TAF13: variants seen among roughly 807,000 people sequenced by gnomAD.
TAF13 encodes TATA-box binding protein associated factor 13, also known as transcription initiation factor TFIID subunit 13.
In TAF13, 9 loss-of-function variants were observed where a neutral mutation model predicts 18.7. The observed-to-expected ratio is 0.48, with a 90% CI of 0.29 to 0.84. TAF13 has a LOEUF of 0.84. Among genes scored for constraint, TAF13 ranks in the 40% least tolerant of loss-of-function variants. TAF13 has a pLI of 0.08. For synonymous variants in TAF13, 49 were observed against 44.1 expected (o/e 1.11, Z -0.44); for missense variants, 105 against 146.5 (o/e 0.72, Z 1.46).
intron 2 of TAF13, among the ~76,000 whole-genome samples, 180 bp downstream of exon 2, chr1:109,074,803 TACAC>T (rs985540348): frequency 3.3e-5 from 5 of 150,978 alleles, no homozygotes; most frequent in Non-Finnish European, 7.4e-5. Flanking sequence ...AAGCAATTTA[TACAC>T]ACACACACAA....
intron 1 of TAF13, 127 bp downstream of exon 1, chr1:109,075,794 C>T (rs1013243742): frequency 8.4e-7 from 1 of 1,195,982 alleles, no homozygotes; most frequent in Non-Finnish European, 1.2e-6. Flanking sequence ...ATCCTTAGGG[C>T]GTGAAGTCCC....
At chr1:109,067,100 T>C (rs2102106194) in intron 2 of TAF13, among the ~76,000 whole-genome samples, 1 of 152,306 alleles carries the variant, frequency 6.6e-6, no homozygotes, top group East Asian at 1.9e-4. Context: ...TGACATTTCC[T>C]AGATCAATAC....
At chr1:109,064,810 G>A in intron 3 of TAF13, 117 bp from the exon 4 acceptor site, 1 of 819,300 alleles carries the variant, frequency 1.2e-6, no homozygotes, top group Non-Finnish European at 1.7e-6. Flanking sequence ...TATTATTATG[G>A]CTATTCATTT....
At chr1:109,066,851 C>T (rs926600740) in intron 2 of TAF13, among the ~76,000 whole-genome samples, 8 of 152,192 alleles carry the variant, frequency 5.3e-5, no homozygotes, top group African/African-American at 1.9e-4. Context: ...TCCCGAGTAG[C>T]TGGGACTACA....
intron 2 of TAF13, 69 bp downstream of exon 2, chr1:109,074,918 G>T: frequency 8.8e-7 from 1 of 1,134,538 alleles, no homozygotes; most frequent in Non-Finnish European, 1.3e-6. Context: ...AAGCAATAAA[G>T]CTACTTTGAA....
chr1:109,064,700 C>T lies in TAF13; in HGVS notation c.205-7G>A, dbSNP rs1447491940. 6.9e-7 allele frequency: 1 copy of T among 1,453,046 alleles called. No individual in the cohort carries two copies. Among genetic ancestry groups the T allele is most frequent in the Non-Finnish European group, 9.1e-7 (1 of 1,098,770 alleles). 90.0% of individuals were successfully genotyped at this position (1,453,046 alleles called of 1,614,324 possible). The stretch of plus-strand genomic sequence containing the variant: ...TTGACATTGCCTTGTGAGTCTATTA[C>T]AAAGAAACATATTACATTTAACTTT... On this transcript the variant is annotated splice_polypyrimidine_tract_variant and splice_region_variant and intron_variant, in intron 3 of 3. Transcript: ENST00000338366.
chr1:109,075,120 T>C, intron 1 of TAF13, 55 bp from the exon 2 acceptor site: 2 of 1,437,330 alleles, frequency 1.4e-6, no homozygotes, highest in Non-Finnish European at 1.9e-6. Flanking sequence ...GCATTTGATA[T>C]TTTAATAATG....
chr1:109,066,706 TTTTGTTTGTTTG>T (rs561171126), intron 2 of TAF13, among the ~76,000 whole-genome samples: 2 of 151,846 alleles, frequency 1.3e-5, no homozygotes, highest in Admixed American at 6.6e-5. Context: ...CAAATACTTT[TTTTGTTTGTTTG>T]TTTGTTTGTT....
chr1:109,073,442 C>T (rs1381230601), intron 2 of TAF13, among the ~76,000 whole-genome samples: 1 of 152,184 alleles, frequency 6.6e-6, no homozygotes, highest in Admixed American at 6.5e-5. Context: ...CACCGTCTCC[C>T]TCTGTTGCCG....
rs202046028 is a variant in TAF13 at position 109,075,133 on chromosome 1, ATT to A, written c.28-70_28-69del. 5.9e-6 allele frequency: 8 copies of A among 1,358,598 alleles called. No individual in the cohort carries two copies. The Admixed American group carries it at 1.9e-4, about 32-fold the overall frequency. The allele number at this position is 1,358,598 out of a possible 1,614,324, so 84.2% of individuals were successfully genotyped here. ...TTGCATTTGATATTTTAATAATGAC[ATT>A]TTTTTTTCCTTTTCAACAGATAGGC... On this transcript the variant is annotated intron_variant, in intron 1 of 3. Transcript: ENST00000338366.
chr1:109,067,772 CACA>C, intron 2 of TAF13, among the ~76,000 whole-genome samples: 1 of 152,292 alleles, frequency 6.6e-6, no homozygotes, highest in Non-Finnish European at 1.5e-5. Context: ...ATTTAATCCT[CACA>C]ATGATCCTTT....
intron 2 of TAF13, among the ~76,000 whole-genome samples, chr1:109,072,780 CTTTTTT>C (rs58964826): frequency 7.7e-6 from 1 of 130,426 alleles, no homozygotes; most frequent in Non-Finnish European, 1.6e-5. Flanking sequence ...GATTCACCAC[CTTTTTT>C]TTTTTTTTTT....
intron 2 of TAF13, among the ~76,000 whole-genome samples, chr1:109,073,335 C>T (rs1333088848): frequency 1.3e-5 from 2 of 151,862 alleles, no homozygotes; most frequent in Non-Finnish European, 2.9e-5. Flanking sequence ...GTCAGGAGAT[C>T]GAGATCATCC....
At chr1:109,074,711 C>T (rs1426587608) in intron 2 of TAF13, among the ~76,000 whole-genome samples, 4 of 151,268 alleles carry the variant, frequency 2.6e-5, no homozygotes, top group Non-Finnish European at 4.4e-5. Context: ...ACCCGGGAGG[C>T]GGAGCTTGCA....
chr1:109,069,700 T>A (rs1041193735), intron 2 of TAF13, among the ~76,000 whole-genome samples: 1 of 152,018 alleles, frequency 6.6e-6, no homozygotes, highest in African/African-American at 2.4e-5. Context: ...TAAGAATAAT[T>A]CCTCTATTTA....
chr1:109,067,714 C>A (rs568960904), intron 2 of TAF13, among the ~76,000 whole-genome samples: 23 of 152,156 alleles, frequency 1.5e-4, no homozygotes, highest in Admixed American at 1.5e-3. Flanking sequence ...CATATATAGC[C>A]CTTATTATAT....
chr1:109,074,588 T>A (rs1006437698), intron 2 of TAF13, among the ~76,000 whole-genome samples: 13 of 151,800 alleles, frequency 8.6e-5, no homozygotes, highest in South Asian at 2.1e-4. Flanking sequence ...ACTAAAAAAA[T>A]TAAAAAAATA....
chr1:109,072,358 C>T (rs530081868), intron 2 of TAF13, among the ~76,000 whole-genome samples: 52 of 151,726 alleles, frequency 3.4e-4, no homozygotes, highest in South Asian at 6.3e-4. Context: ...CTCCCTTCCT[C>T]GTGTTGCCAA....
rs776338727 is a variant in TAF13 at position 109,075,019 on chromosome 1, T to C, written c.74A>G (p.Gln25Arg). The change falls in exon 2 of 4, where the codon CAG becomes CGG. Residue 25 changes from glutamine (Q) to arginine (R), a missense_variant. Transcript: ENST00000338366. ...AGAAAAAAGTCTCTTTCTTTTACCCTGTCCACCTTCTGCACCTCCTCCAAT... is the reference window on the plus strand; with the variant it reads ...AGAAAAAAGTCTCTTTCTTTTACCCCGTCCACCTTCTGCACCTCCTCCAAT... ...EEIGGGAEGG[Q>R]GKRKRLFSKE... 6.2e-7 allele frequency: 1 copy of C among 1,609,968 alleles called. No individual in the cohort carries two copies. Among genetic ancestry groups the C allele is most frequent in the African/African-American group, 1.3e-5 (1 of 74,852 alleles).
Sources: gnomAD v4.1 joint callset for allele counts (sites outside exome capture counted in the v4.1 genomes callset) on GRCh38, gnomAD v4.1.1 for gene constraint, MANE v1.5 for transcripts, NCBI Gene and HGNC (gene_info 2026-07-23, HGNC 2026-07-21) for gene names.